Variants in UCK2 observed in about 807,000 individuals in gnomAD.
UCK2 encodes uridine-cytidine kinase 2, also known as cytidine monophosphokinase 2.
A neutral mutation model predicts 30.8 loss-of-function variants in UCK2; 6 were observed. That is an observed-to-expected ratio of 0.19 (90% CI 0.11 to 0.38). The LOEUF is 0.38. UCK2 is among the 10% of genes least tolerant of loss of function. The pLI is 1.00. For synonymous variants in UCK2, 125 were observed against 133.6 expected (o/e 0.94, Z 0.45); for missense variants, 210 against 339.8 (o/e 0.62, Z 3.00).
At chr1:165,875,038 CAA>C (rs57582300) in intron 1 of UCK2, among the ~76,000 whole-genome samples, 312 of 111,264 alleles carry the variant, frequency 2.8e-3, no homozygotes, top group Middle Eastern at 5.4e-3. Flanking sequence ...ACTGAGTTAC[CAA>C]AAAAAAAAAA....
intron 5 of UCK2, 65 bp from the exon 6 acceptor site, chr1:165,905,856 G>C: frequency 1.3e-6 from 2 of 1,492,160 alleles, no homozygotes; most frequent in Middle Eastern, 3.5e-4. Context: ...ATATTCCCTT[G>C]GAGAGGGTCT....
chr1:165,880,209 G>A (rs1655449518), intron 1 of UCK2, among the ~76,000 whole-genome samples: 1 of 152,166 alleles, frequency 6.6e-6, no homozygotes, highest in Non-Finnish European at 1.5e-5. Flanking sequence ...ACGGAGGAAA[G>A]TCAGCTTTCG....
At chr1:165,882,661 C>G (rs1251354247) in intron 1 of UCK2, among the ~76,000 whole-genome samples, 1 of 152,122 alleles carries the variant, frequency 6.6e-6, no homozygotes, top group Non-Finnish European at 1.5e-5. Context: ...GCAGTGTCCT[C>G]TCATGGCAGA....
intron 1 of UCK2, among the ~76,000 whole-genome samples, chr1:165,883,813 A>T (rs1655556364): frequency 6.6e-6 from 1 of 152,158 alleles, no homozygotes. Flanking sequence ...AAAAGAAAAG[A>T]ATAGATGGCT....
At chr1:165,897,776 G>C (rs893375835) in intron 4 of UCK2, among the ~76,000 whole-genome samples, 1 of 152,158 alleles carries the variant, frequency 6.6e-6, no homozygotes, top group African/African-American at 2.4e-5. Context: ...AGTAGTAATA[G>C]ATACATATGC....
intron 1 of UCK2, among the ~76,000 whole-genome samples, chr1:165,829,812 G>A (rs1165897149): frequency 6.6e-6 from 1 of 151,990 alleles, no homozygotes; most frequent in East Asian, 1.9e-4. Flanking sequence ...AGAAAGGAAG[G>A]GTCCGTTTTT....
chr1:165,866,911 C>G (rs1387140522), intron 1 of UCK2, among the ~76,000 whole-genome samples: 1 of 152,160 alleles, frequency 6.6e-6, no homozygotes, highest in African/African-American at 2.4e-5. Context: ...GGGTTACTTT[C>G]ACCTTTTGAC....
At chr1:165,842,707 G>A (rs1388840276) in intron 1 of UCK2, among the ~76,000 whole-genome samples, 1 of 152,174 alleles carries the variant, frequency 6.6e-6, no homozygotes, top group Non-Finnish European at 1.5e-5. Flanking sequence ...CATTGCTGCT[G>A]GAGTGATCTT....
intron 1 of UCK2, among the ~76,000 whole-genome samples, chr1:165,841,109 G>GTATATATATATATA (rs1427958973): frequency 1.2e-3 from 58 of 46,526 alleles, no homozygotes; most frequent in African/African-American, 1.9e-3. Flanking sequence ...GTGTGTGTGT[G>GTATATATATATATA]TGTATATATA....
At chr1:165,898,248 GGCAAATTGT>G (rs1179546898) in intron 4 of UCK2, among the ~76,000 whole-genome samples, 1 of 152,030 alleles carries the variant, frequency 6.6e-6, no homozygotes, top group Non-Finnish European at 1.5e-5. Flanking sequence ...CTAGATGTGT[GGCAAATTGT>G]GCAAATTGGC....
chr1:165,849,544 G>A (rs1300852457), intron 1 of UCK2, among the ~76,000 whole-genome samples: 1 of 152,196 alleles, frequency 6.6e-6, no homozygotes, highest in African/African-American at 2.4e-5. Flanking sequence ...AGATGAGGAA[G>A]GCCAAGCCTT....
chr1:165,891,671 G>A (rs1188219660), intron 3 of UCK2: 5 of 221,978 alleles, frequency 2.3e-5, no homozygotes, highest in South Asian at 1.0e-4. Context: ...TAGAGGAAGG[G>A]CAGGAAGAAG....
intron 1 of UCK2, among the ~76,000 whole-genome samples, chr1:165,843,929 T>C (rs1299710603): frequency 1.3e-5 from 2 of 152,234 alleles, no homozygotes; most frequent in Admixed American, 6.5e-5. Flanking sequence ...GTTTATTGTT[T>C]ATCTCTTTTC....
chr1:165,873,287 C>A (rs1030329281), intron 1 of UCK2, among the ~76,000 whole-genome samples: 3 of 152,134 alleles, frequency 2.0e-5, no homozygotes, highest in African/African-American at 7.2e-5. Flanking sequence ...TAGACTTCAC[C>A]CCTCACTGGA....
chr1:165,848,198 T>G (rs1246596860), intron 1 of UCK2, among the ~76,000 whole-genome samples: 2 of 152,218 alleles, frequency 1.3e-5, no homozygotes, highest in Non-Finnish European at 2.9e-5. Flanking sequence ...AGTTAAAGGT[T>G]GTTGTGTGGT....
intron 4 of UCK2, among the ~76,000 whole-genome samples, chr1:165,899,927 G>A (rs1312798129): frequency 6.6e-6 from 1 of 152,182 alleles, no homozygotes; most frequent in Admixed American, 6.5e-5. Flanking sequence ...GCCTTATGAT[G>A]TTGCATGTTC....
At chr1:165,832,440 A>T (rs921806891) in intron 1 of UCK2, among the ~76,000 whole-genome samples, 3 of 152,172 alleles carry the variant, frequency 2.0e-5, no homozygotes, top group Non-Finnish European at 4.4e-5. Flanking sequence ...TACTGTTTAT[A>T]AATTTCTTCC....
chr1:165,846,936 C>T (rs966328313), intron 1 of UCK2, among the ~76,000 whole-genome samples: 1 of 152,106 alleles, frequency 6.6e-6, no homozygotes, highest in African/African-American at 2.4e-5. Flanking sequence ...TATTAAATCT[C>T]ATGTTGTGGT....
chr1:165,894,395 C>T (rs1655842023), intron 3 of UCK2: 1 of 152,146 alleles, frequency 6.6e-6, no homozygotes, highest in Non-Finnish European at 1.5e-5. Flanking sequence ...CTGAACTTCT[C>T]TAGGTTGCCT....
Sources: gnomAD v4.1 joint callset for allele counts (sites outside exome capture counted in the v4.1 genomes callset) on GRCh38, gnomAD v4.1.1 for gene constraint, MANE v1.5 for transcripts, NCBI Gene and HGNC (gene_info 2026-07-23, HGNC 2026-07-21) for gene names.